GRID1: variants seen among roughly 807,000 people sequenced by gnomAD.
GRID1 encodes the protein glutamate receptor ionotropic, delta-1.
Under a neutral mutation model 98.0 loss-of-function variants are expected in GRID1, and 28 were observed. The observed-to-expected ratio is 0.29, with a 90% CI of 0.21 to 0.39. The LOEUF (loss-of-function observed/expected upper bound fraction) is 0.39. Ranked by LOEUF, GRID1 falls within the 10% of genes least tolerant of loss-of-function variation. GRID1 has a pLI of 1.00. For synonymous variants in GRID1, 553 were observed against 538.5 expected, an observed-to-expected ratio of 1.03 and a Z score of -0.37; for missense variants, 1,111 against 1,340.5, an observed-to-expected ratio of 0.83 and a Z score of 2.67.
intron 2 of GRID1, among the ~76,000 whole-genome samples, chr10:86,259,950 C>T (rs1054809514): frequency 6.6e-6 from 1 of 152,232 alleles, no homozygotes; most frequent in African/African-American, 2.4e-5. Flanking sequence ...CACATGAGAG[C>T]CCAGGCAGTG....
intron 2 of GRID1, among the ~76,000 whole-genome samples, chr10:86,304,168 C>T (rs1847728214): frequency 6.6e-6 from 1 of 152,236 alleles, no homozygotes; most frequent in Non-Finnish European, 1.5e-5. Context: ...CCTACCTGTC[C>T]TGCCTCCTCA....
At chr10:85,709,519 T>C (rs1307283725) in intron 12 of GRID1, among the ~76,000 whole-genome samples, 1 of 152,190 alleles carries the variant, frequency 6.6e-6, no homozygotes, top group Non-Finnish European at 1.5e-5. Context: ...TGAAGACCTA[T>C]GTAACATCTA....
intron 3 of GRID1, among the ~76,000 whole-genome samples, chr10:86,177,094 C>G (rs1845585929): frequency 6.6e-6 from 1 of 151,644 alleles, no homozygotes; most frequent in African/African-American, 2.4e-5. Context: ...CAGCAGCAAA[C>G]CCCAACAGCA....
chr10:85,923,397 A>G (rs1841732662), intron 4 of GRID1, among the ~76,000 whole-genome samples: 1 of 152,158 alleles, frequency 6.6e-6, no homozygotes, highest in Non-Finnish European at 1.5e-5. Flanking sequence ...GGGGAGGCTG[A>G]GAGGGCTGTT....
At chr10:86,109,939 T>C (rs1429610675) in intron 4 of GRID1, among the ~76,000 whole-genome samples, 2 of 151,046 alleles carry the variant, frequency 1.3e-5, no homozygotes, top group Non-Finnish European at 2.9e-5. Flanking sequence ...TAGCACAAAG[T>C]AAGCATTCAA....
At chr10:85,679,579 G>C (rs1841183908) in intron 12 of GRID1, among the ~76,000 whole-genome samples, 1 of 152,148 alleles carries the variant, frequency 6.6e-6, no homozygotes, top group Admixed American at 6.5e-5. Flanking sequence ...GAGAAGCAGA[G>C]GACTAGGGTT....
chr10:85,798,027 T>C (rs1039886177), intron 8 of GRID1, among the ~76,000 whole-genome samples: 1 of 152,236 alleles, frequency 6.6e-6, no homozygotes, highest in African/African-American at 2.4e-5. Flanking sequence ...GATGGGTACC[T>C]GGTTGATTCC....
chr10:85,927,538 T>A (rs1370328032), intron 4 of GRID1, among the ~76,000 whole-genome samples: 6 of 150,374 alleles, frequency 4.0e-5, no homozygotes, highest in Non-Finnish European at 7.4e-5. Context: ...TGTGGGAAAG[T>A]TGGAGATATA....
At chr10:86,162,789 T>A (rs1031520399) in intron 3 of GRID1, among the ~76,000 whole-genome samples, 1 of 152,160 alleles carries the variant, frequency 6.6e-6, no homozygotes. Flanking sequence ...CCTTTGGGCA[T>A]CTGTCCCAAC....
chr10:86,106,912 A>G (rs899070145), intron 4 of GRID1, among the ~76,000 whole-genome samples: 4 of 152,090 alleles, frequency 2.6e-5, no homozygotes, highest in African/African-American at 9.7e-5. Context: ...ATGAATTGAC[A>G]ACAAGGAGGA....
chr10:86,199,446 C>T (rs1198367539), intron 3 of GRID1, among the ~76,000 whole-genome samples: 1 of 152,126 alleles, frequency 6.6e-6, no homozygotes, highest in South Asian at 2.1e-4. Context: ...AAGACTCTAC[C>T]ACGGTGTTTG....
At chr10:85,850,951 C>T (rs1157232318) in intron 8 of GRID1, among the ~76,000 whole-genome samples, 5 of 152,178 alleles carry the variant, frequency 3.3e-5, no homozygotes, top group South Asian at 4.1e-4. Flanking sequence ...GGATGCTTAA[C>T]AGTTCCTGCC....
chr10:86,161,853 A>C (rs1001464760), intron 3 of GRID1, among the ~76,000 whole-genome samples: 34 of 152,334 alleles, frequency 2.2e-4, no homozygotes, highest in African/African-American at 8.2e-4. Flanking sequence ...TCCACTCAGA[A>C]ACCAAGAGGA....
At chr10:86,292,115 C>G (rs1315462424) in intron 2 of GRID1, among the ~76,000 whole-genome samples, 3 of 152,226 alleles carry the variant, frequency 2.0e-5, no homozygotes, top group Admixed American at 1.3e-4. Flanking sequence ...CCAGGTCAGG[C>G]CCACGACAGA....
chr10:85,814,191 G>A (rs1842696863), intron 8 of GRID1, among the ~76,000 whole-genome samples: 1 of 151,808 alleles, frequency 6.6e-6, no homozygotes, highest in Non-Finnish European at 1.5e-5. Context: ...GCCATGGGCT[G>A]CATATACAAG....
At chr10:86,154,851 G>A (rs547376492) in intron 3 of GRID1, among the ~76,000 whole-genome samples, 1 of 152,140 alleles carries the variant, frequency 6.6e-6, no homozygotes, top group East Asian at 1.9e-4. Flanking sequence ...GCAAAACCAG[G>A]GGACACCCCA....
chr10:86,122,628 T>C (rs190157919), intron 4 of GRID1, among the ~76,000 whole-genome samples: 16 of 152,370 alleles, frequency 1.1e-4, no homozygotes, highest in Admixed American at 5.9e-4. Flanking sequence ...AGTAGCCAGA[T>C]TTGAAAGGAC....
chr10:86,169,195 T>C (rs1845444543), intron 3 of GRID1, among the ~76,000 whole-genome samples: 2 of 152,202 alleles, frequency 1.3e-5, no homozygotes, highest in South Asian at 4.1e-4. Context: ...CAGTGGCCTC[T>C]GGAAACACTG....
intron 2 of GRID1, among the ~76,000 whole-genome samples, chr10:86,305,109 A>G (rs74842692): frequency 1.6e-3 from 174 of 112,106 alleles, no homozygotes; most frequent in Non-Finnish European, 2.6e-3. Flanking sequence ...GGGCTTAAGG[A>G]AAAAAAAAAA....
Sources: allele counts gnomAD v4.1 joint callset (sites outside exome capture counted in the v4.1 genomes callset), GRCh38; gene constraint gnomAD v4.1.1; transcripts MANE v1.5; gene names NCBI Gene and HGNC (gene_info 2026-07-23, HGNC 2026-07-21).